TTC6: variants seen among roughly 807,000 people sequenced by gnomAD.
The protein encoded by TTC6 is tetratricopeptide repeat protein 6.
Under a neutral mutation model 210.4 loss-of-function variants are expected in TTC6, and 172 were observed. The observed-to-expected ratio is 0.82, with a 90% confidence interval of 0.72 to 0.93. TTC6 has a LOEUF of 0.93. Among genes scored for constraint, TTC6 ranks in the 40% least tolerant of loss-of-function variants. The pLI is 0.00. For missense variants in TTC6, 2,414 were observed against 2,318.1 expected (o/e 1.04, Z -0.85); for synonymous variants, 804 against 819.6 (o/e 0.98, Z 0.32).
intron 14 of TTC6, among the ~76,000 whole-genome samples, chr14:37,786,885 A>G (rs533270321): frequency 6.6e-6 from 1 of 152,308 alleles, no homozygotes; most frequent in South Asian, 2.1e-4. Flanking sequence ...TAACTAATTG[A>G]AGATGAGTTT....
At chr14:37,632,040 T>C (rs2095670942) in intron 1 of TTC6, among the ~76,000 whole-genome samples, 1 of 152,198 alleles carries the variant, frequency 6.6e-6, no homozygotes. Flanking sequence ...GCTCTTAGCT[T>C]CCTTACTTTG....
chr14:37,671,422 T>C (rs1039725952), intron 1 of TTC6, among the ~76,000 whole-genome samples: 31 of 152,188 alleles, frequency 2.0e-4, no homozygotes, highest in Non-Finnish European at 4.1e-4. Context: ...GGGGATCATC[T>C]TGGACAATAG....
intron 1 of TTC6, among the ~76,000 whole-genome samples, chr14:37,602,067 AC>A (rs1467860704): frequency 6.6e-6 from 1 of 152,156 alleles, no homozygotes; most frequent in Non-Finnish European, 1.5e-5. Context: ...GAGGCTGCGC[AC>A]CCGGCTTAGA....
chr14:37,621,679 G>C (rs1356093190), upstream of TTC6, among the ~76,000 whole-genome samples: 1 of 152,176 alleles, frequency 6.6e-6, no homozygotes, highest in African/African-American at 2.4e-5. Flanking sequence ...TCAGGCCACA[G>C]TTTGTGACCT....
intron 1 of TTC6, among the ~76,000 whole-genome samples, chr14:37,676,779 T>C (rs972559416): frequency 6.6e-6 from 1 of 152,122 alleles, no homozygotes; most frequent in Non-Finnish European, 1.5e-5. Flanking sequence ...TTTTTTTGCA[T>C]GTAGATATTC....
chr14:37,764,779 T>TA (rs201547474), intron 14 of TTC6, among the ~76,000 whole-genome samples: 4,631 of 152,218 alleles, frequency 0.03, 112 homozygotes, highest in South Asian at 0.093. Context: ...TTAATGCAAT[T>TA]AATGTTAAGG....
chr14:37,749,804 G>A (rs1178901853), exon 12 of TTC6: 2 of 1,456,544 alleles, frequency 1.4e-6, no homozygotes, highest in East Asian at 2.6e-5. Context: ...AGCTTTGGAT[G>A]ACTTGAATTA....
chr14:37,600,826 A>G (rs1480047415), intron 1 of TTC6, among the ~76,000 whole-genome samples: 1 of 152,180 alleles, frequency 6.6e-6, no homozygotes, highest in African/African-American at 2.4e-5. Context: ...TGGGACTTCC[A>G]GCAGCTATTC....
At chr14:37,771,632 C>G (rs906746987) in intron 14 of TTC6, among the ~76,000 whole-genome samples, 4 of 152,098 alleles carry the variant, frequency 2.6e-5, no homozygotes, top group African/African-American at 9.7e-5. Flanking sequence ...ACGTAGTTCT[C>G]GAGCCTTGGT....
chr14:37,811,582 A>G (rs1408105768), intron 24 of TTC6, among the ~76,000 whole-genome samples: 3 of 152,240 alleles, frequency 2.0e-5, no homozygotes, highest in Non-Finnish European at 4.4e-5. Context: ...ATTCAGCTCC[A>G]ACCCAAGTTT....
At chr14:37,766,532 G>C (rs1490992063) in intron 14 of TTC6, among the ~76,000 whole-genome samples, 1 of 152,112 alleles carries the variant, frequency 6.6e-6, no homozygotes, top group African/African-American at 2.4e-5. Context: ...CACTGCAAAG[G>C]ACATGATCTT....
chr14:37,780,405 C>T (rs1406225475), intron 14 of TTC6, among the ~76,000 whole-genome samples: 1 of 152,126 alleles, frequency 6.6e-6, no homozygotes, highest in Non-Finnish European at 1.5e-5. Context: ...CCTCCCCTCA[C>T]CCCTCTTCTG....
chr14:37,611,646 G>T (rs1351262424), intron 2 of TTC6, among the ~76,000 whole-genome samples: 1 of 152,094 alleles, frequency 6.6e-6, no homozygotes, highest in East Asian at 1.9e-4. Flanking sequence ...GGGGCTGTGG[G>T]GACAAGAGAA....
intron 1 of TTC6, among the ~76,000 whole-genome samples, chr14:37,641,350 A>G (rs1232126918): frequency 1.3e-5 from 2 of 152,160 alleles, no homozygotes; most frequent in African/African-American, 4.8e-5. Context: ...GGTTTTAGGG[A>G]TGGGTAGATA....
intron 7 of TTC6, among the ~76,000 whole-genome samples, chr14:37,732,300 A>C (rs537231127): frequency 3.9e-4 from 56 of 143,196 alleles, no homozygotes; most frequent in Non-Finnish European, 7.8e-4. Flanking sequence ...CTCCTGCCTC[A>C]GCCTCCCGAG....
In TTC6 at chr14:37,826,271, A is replaced by G. The variant is rs759692213; in HGVS notation, c.5051A>G (p.Tyr1684Cys). 1.3e-5 allele frequency: 21 copies of G among 1,612,706 alleles called. 1 individual carries two copies. The Admixed American group carries it at 3.2e-4, about 24-fold the overall frequency. The change falls in exon 28 of 31, where the codon TAT (tyrosine) becomes TGT (cysteine). Residue 1684 changes from tyrosine to cysteine, a missense_variant. Physicochemically the swap from Tyr to Cys is radical, Grantham distance 194. Coordinates refer to ENST00000553443, the Ensembl canonical transcript of TTC6. The stretch of plus-strand genomic sequence containing the variant: ...ACTGATCCAAAGAACTACCTAGCCT[A>G]TGAAGGAAGAGCTGTGGTCTGTCTT...
Position 37,683,910 on chromosome 14 carries a change from A to G in TTC6, c.1257+946A>G, listed in dbSNP as rs569412303. Among the ~76,000 whole-genome samples, 3 of 152,196 alleles carry G rather than the reference A, an allele frequency of 2.0e-5. No homozygotes were observed. The East Asian group carries it at 5.8e-4, about 29-fold the overall frequency. Reference sequence around the variant, plus strand: ...GACCCTTTTCCTTGAACCACAGCATATCATCTTGATTATCACCAGAAATCC... The same window carrying G: ...GACCCTTTTCCTTGAACCACAGCATGTCATCTTGATTATCACCAGAAATCC... On this transcript the variant is annotated intron_variant, in intron 3 of 30. Coordinates refer to ENST00000553443, the Ensembl canonical transcript of TTC6.
chr14:37,664,057 T>G (rs532729227), intron 1 of TTC6, among the ~76,000 whole-genome samples: 1 of 147,724 alleles, frequency 6.8e-6, no homozygotes, highest in East Asian at 1.9e-4. Flanking sequence ...GAATCAATAT[T>G]GTGAAAATGG....
intron 1 of TTC6, among the ~76,000 whole-genome samples, chr14:37,668,729 A>C (rs915636653): frequency 3.9e-5 from 6 of 152,202 alleles, no homozygotes; most frequent in African/African-American, 9.6e-5. Flanking sequence ...GTGTGGACAG[A>C]GTGAGAGGTG....
Sources: allele counts gnomAD v4.1 joint callset (sites outside exome capture counted in the v4.1 genomes callset), GRCh38; gene constraint gnomAD v4.1.1; transcripts MANE v1.5; gene names NCBI Gene and HGNC (gene_info 2026-07-23, HGNC 2026-07-21).